The following TMEM120B variants were observed in gnomAD, a reference collection of about 807,000 sequenced individuals.
TMEM120B encodes transmembrane protein 120B.
TMEM120B carries 31 observed loss-of-function variants against 55.5 expected under a neutral mutation model. The ratio of observed to expected loss-of-function variants is 0.56; its 90% CI spans 0.42 to 0.75. TMEM120B has a LOEUF of 0.75. Among genes scored for constraint, TMEM120B ranks in the 30% least tolerant of loss-of-function variants. The pLI is 0.00. For synonymous variants in TMEM120B, 203 were observed against 176.3 expected (o/e 1.15, Z -1.20); for missense variants, 399 against 425.5 (o/e 0.94, Z 0.55).
chr12:121,774,572 T>A (rs1449397965), intron 9 of TMEM120B, 86 bp from the exon 10 acceptor site: 1 of 1,320,312 alleles, frequency 7.6e-7, no homozygotes, highest in East Asian at 2.3e-5. Context: ...TTAGGGTGAC[T>A]GGTGTGGCTG....
chr12:121,746,155 C>G (rs949308417), intron 2 of TMEM120B, among the ~76,000 whole-genome samples: 4 of 151,756 alleles, frequency 2.6e-5, no homozygotes, highest in Non-Finnish European at 4.4e-5. Context: ...GCCACCACAC[C>G]CAGCCCCTGG....
chr12:121,720,461 G>A (rs1003757617), intron 1 of TMEM120B, among the ~76,000 whole-genome samples: 1 of 152,134 alleles, frequency 6.6e-6, no homozygotes, highest in East Asian at 1.9e-4. Context: ...TGTAATCCCA[G>A]CACCTTGGGA....
rs994172550 is a variant in TMEM120B, at chr12:121,776,730, C to G, written c.*1008C>G. On this transcript the variant is annotated 3_prime_UTR_variant, in exon 12 of 12. Transcript: ENST00000449592. ...ACTGTGGCCCTACAAATCCCTAGGC[C>G]AGACCTCACAGCAGTGCCCACAGGC... is the stretch of plus-strand genomic sequence containing the variant. 2.0e-5 allele frequency: 3 copies of G among 152,246 alleles called. No homozygotes were observed. Among genetic ancestry groups the G allele is most frequent in the African/African-American group, 7.2e-5 (3 of 41,450 alleles). The allele number at this position is 152,246 out of a possible 1,614,324, so 9.4% of individuals were successfully genotyped here. A position where few individuals can be genotyped will look rare whatever the true frequency, so the allele number is the denominator to read the frequency against.
intron 5 of TMEM120B, among the ~76,000 whole-genome samples, chr12:121,752,789 C>T (rs1352776540): frequency 6.6e-6 from 1 of 151,342 alleles, no homozygotes; most frequent in Non-Finnish European, 1.5e-5. Flanking sequence ...TGTACAGTGG[C>T]ATATCATTCA....
At chr12:121,751,331 C>T (rs559937135) in intron 4 of TMEM120B, among the ~76,000 whole-genome samples, 1 of 120,156 alleles carries the variant, frequency 8.3e-6, no homozygotes, top group East Asian at 2.6e-4. Context: ...ACACCCACAC[C>T]ACACACCCCA....
At chr12:121,750,677 CACCA>C in intron 4 of TMEM120B, among the ~76,000 whole-genome samples, 2 of 139,376 alleles carry the variant, frequency 1.4e-5, no homozygotes, top group Non-Finnish European at 3.1e-5. Context: ...CCACACCCCA[CACCA>C]CACACTCAAA....
chr12:121,733,722 G>A (rs1895048057), intron 1 of TMEM120B, among the ~76,000 whole-genome samples: 1 of 150,724 alleles, frequency 6.6e-6, no homozygotes, highest in Middle Eastern at 3.2e-3. Flanking sequence ...ATTTTTAGTA[G>A]AGATGGGGTT....
At chr12:121,742,591 A>G (rs962516258) in intron 1 of TMEM120B, among the ~76,000 whole-genome samples, 1 of 151,684 alleles carries the variant, frequency 6.6e-6, no homozygotes, top group Non-Finnish European at 1.5e-5. Flanking sequence ...TTTTGTTTTT[A>G]TTTTTATTTT....
intron 2 of TMEM120B, among the ~76,000 whole-genome samples, chr12:121,745,276 A>G (rs1592934891): frequency 6.6e-6 from 1 of 152,338 alleles, no homozygotes; most frequent in East Asian, 1.9e-4. Flanking sequence ...CCGTGTTACC[A>G]AAGAATAACA....
chr12:121,746,137 A>G (rs1388244393), intron 2 of TMEM120B, among the ~76,000 whole-genome samples: 3 of 151,562 alleles, frequency 2.0e-5, no homozygotes, highest in African/African-American at 7.3e-5. Flanking sequence ...CTGGGATTAC[A>G]GGCATGAGCC....
At chr12:121,728,841 C>T (rs1305826877) in intron 1 of TMEM120B, among the ~76,000 whole-genome samples, 1 of 152,234 alleles carries the variant, frequency 6.6e-6, no homozygotes, top group East Asian at 1.9e-4. Flanking sequence ...CCTCCAGAGA[C>T]TGGCAAGACA....
At chr12:121,768,656 C>T (rs996365414) in intron 6 of TMEM120B, among the ~76,000 whole-genome samples, 3 of 152,212 alleles carry the variant, frequency 2.0e-5, no homozygotes, top group African/African-American at 7.2e-5. Context: ...AGGGAGTTGG[C>T]TGCTCCTGGG....
chr12:121,777,846 C>G lies in TMEM120B; in HGVS notation c.*2124C>G, dbSNP rs1350508055. On this transcript the variant is annotated 3_prime_UTR_variant, in exon 12 of 12. Transcript: ENST00000449592. The stretch of plus-strand genomic sequence containing the variant: ...TTGTTGGACCTCTACCGTAGACCAT[C>G]ATGAGGCCTGGGGTTCTTCGAGAAC... 6.6e-6 allele frequency: 1 copy of G among 152,202 alleles called. No homozygotes were observed. The highest frequency in any genetic ancestry group is 1.5e-5 in the Non-Finnish European group (1 of 68,042). The allele number at this position is 152,202 out of a possible 1,614,324, so 9.4% of individuals were successfully genotyped here.
chr12:121,757,143 G>T (rs535303499), intron 5 of TMEM120B, among the ~76,000 whole-genome samples: 10 of 145,318 alleles, frequency 6.9e-5, no homozygotes, highest in Admixed American at 5.3e-4. Context: ...TGGGCGGTGG[G>T]GGGGGGGGGT....
At chr12:121,723,715 A>G (rs1894838943) in intron 1 of TMEM120B, among the ~76,000 whole-genome samples, 1 of 152,142 alleles carries the variant, frequency 6.6e-6, no homozygotes, top group Non-Finnish European at 1.5e-5. Flanking sequence ...GGAAATTACC[A>G]CAATCTACCT....
chr12:121,779,681 C>G lies in TMEM120B; in HGVS notation c.*3959C>G, dbSNP rs756150809. ...TCAGGCCCTGGGTGGGGGGAGGAGC[C>G]AGCATTAGGTGAGGGGCCCCTGGAG... On this transcript the variant is annotated 3_prime_UTR_variant, in exon 12 of 12. Transcript: ENST00000449592. 6 of 1,613,128 alleles carry G rather than the reference C, an allele frequency of 3.7e-6. No homozygotes were observed. The highest frequency in any genetic ancestry group is 5.1e-6 in the Non-Finnish European group (6 of 1,179,584).
chr12:121,776,165 C>A lies in TMEM120B; in HGVS notation c.*443C>A, dbSNP rs1337708248. 1.0e-4 allele frequency: 36 copies of A among 357,462 alleles called. No individual in the cohort carries two copies. In the Admixed American group the frequency reaches 1.6e-3, roughly 16 times the overall value. 22.1% of individuals were successfully genotyped at this position (357,462 alleles called of 1,614,324 possible). On this transcript the variant is annotated 3_prime_UTR_variant, in exon 12 of 12. Coordinates refer to ENST00000449592, the MANE Select transcript of TMEM120B (RefSeq NM_001080825.2). Reference sequence around the variant, plus strand: ...GAACCCTCAGTGTCCTGTGGCGCCCCCACCCCGGGGCCACTCTGCTTCTGC... The same window carrying A: ...GAACCCTCAGTGTCCTGTGGCGCCCACACCCCGGGGCCACTCTGCTTCTGC...
intron 1 of TMEM120B, among the ~76,000 whole-genome samples, chr12:121,716,587 C>G (rs2942378): frequency 0.41 from 54,147 of 131,148 alleles, 11,389 homozygotes; most frequent in African/African-American, 0.54. Context: ...TTTTGAGACA[C>G]AGTCTTGCTC....
chr12:121,748,369 C>T lies in TMEM120B; in HGVS notation c.232C>T (p.Gln78Ter). The change falls in exon 3 of 12, where the codon CAG becomes TAG. Residue 78 changes from glutamine to a stop codon, truncating the protein, a stop_gained. Transcript: ENST00000449592. LOFTEE classifies it high-confidence loss of function. ...TCGGGAGGAGGCGGAGCTCGTTCAG[C>T]AGATGGCAGCGAACATCAAGGAGCG... is the stretch of plus-strand genomic sequence containing the variant. The part of the protein sequence containing the change: ...ASREEAELVQ[Q>*]MAANIKERQD... The T allele has an allele frequency of 6.2e-7, 1 of 1,611,010 alleles. No individual in the cohort carries two copies. The highest frequency in any genetic ancestry group is 8.5e-7 in the Non-Finnish European group (1 of 1,178,658).
Sources: gnomAD v4.1 joint callset for allele counts (sites outside exome capture counted in the v4.1 genomes callset) on GRCh38, gnomAD v4.1.1 for gene constraint, MANE v1.5 for transcripts, NCBI Gene and HGNC (gene_info 2026-07-23, HGNC 2026-07-21) for gene names.